Variants in GALNT13 observed in about 807,000 individuals in gnomAD.
The protein encoded by GALNT13 is polypeptide N-acetylgalactosaminyltransferase 13.
Under a neutral mutation model 64.2 loss-of-function variants are expected in GALNT13, and 28 were observed. The observed-to-expected ratio is 0.44, with a 90% CI of 0.32 to 0.60. The LOEUF (loss-of-function observed/expected upper bound fraction) is 0.60. Among genes scored for constraint, GALNT13 ranks in the 20% least tolerant of loss-of-function variants. GALNT13 has a pLI of 0.05. For missense variants in GALNT13, 577 were observed against 669.8 expected (o/e 0.86, Z 1.53); for synonymous variants, 214 against 224.6 (o/e 0.95, Z 0.42).
the GALNT13 span, among the ~76,000 whole-genome samples, chr2:153,535,860 G>T: frequency 1.3e-5 from 2 of 152,164 alleles, no homozygotes; most frequent in African/African-American, 4.8e-5. Flanking sequence ...TTATCAGACT[G>T]TATTGAGGTG....
intron 4 of GALNT13, among the ~76,000 whole-genome samples, chr2:154,198,552 G>T (rs1412960718): frequency 6.6e-6 from 1 of 151,744 alleles, no homozygotes; most frequent in African/African-American, 2.4e-5. Flanking sequence ...AGAAAATTTG[G>T]GTGGACAAGG....
At chr2:154,250,239 T>C (rs1689997824) in intron 7 of GALNT13, among the ~76,000 whole-genome samples, 1 of 152,108 alleles carries the variant, frequency 6.6e-6, no homozygotes, top group Non-Finnish European at 1.5e-5. Flanking sequence ...ATGTGACAAG[T>C]ACCCAAAAGG....
Position 154,140,314 on chromosome 2 carries a change from C to T in GALNT13, c.143-23C>T, listed in dbSNP as rs780212421. On this transcript the variant is annotated intron_variant, in intron 3 of 12. Transcript: ENST00000392825. ...ATTATCTGTGTGTTTGTATGTATGT[C>T]TGTATCTCTGTATGTCTTACAGCTG... 5 of 1,587,236 alleles carry T rather than the reference C, an allele frequency of 3.2e-6. No homozygotes were observed. In the South Asian group the frequency reaches 5.5e-5, roughly 18 times the overall value.
chr2:153,510,137 A>G, the GALNT13 span, among the ~76,000 whole-genome samples: 1 of 152,228 alleles, frequency 6.6e-6, no homozygotes, highest in East Asian at 1.9e-4. Context: ...GACTCAAAGA[A>G]TGCAAATCTC....
the GALNT13 span, among the ~76,000 whole-genome samples, chr2:153,562,854 ATAAT>A: frequency 6.6e-6 from 1 of 152,128 alleles, no homozygotes; most frequent in African/African-American, 2.4e-5. Flanking sequence ...CTAGTGCTAA[ATAAT>A]TCTTTCTTTA....
the GALNT13 span, among the ~76,000 whole-genome samples, chr2:153,721,813 C>G: frequency 6.6e-6 from 1 of 151,610 alleles, no homozygotes; most frequent in Non-Finnish European, 1.5e-5. Flanking sequence ...AAAGCAAGTC[C>G]TGAGTGACCT....
chr2:154,129,928 C>T (rs554950252), intron 3 of GALNT13, among the ~76,000 whole-genome samples: 1 of 152,006 alleles, frequency 6.6e-6, no homozygotes, highest in African/African-American at 2.4e-5. Context: ...TGGTTTAGTT[C>T]AGGTTCCTAC....
intron 3 of GALNT13, among the ~76,000 whole-genome samples, chr2:153,963,923 AT>A (rs555888223): frequency 8.1e-4 from 123 of 152,074 alleles, no homozygotes; most frequent in African/African-American, 2.7e-3. Flanking sequence ...AATCTAACGT[AT>A]TTTTTTATGC....
intron 4 of GALNT13, among the ~76,000 whole-genome samples, chr2:154,156,189 T>C (rs999809035): frequency 6.6e-6 from 1 of 151,952 alleles, no homozygotes; most frequent in Admixed American, 6.6e-5. Context: ...CAAATAGAAA[T>C]GGAAAGATCA....
At chr2:153,238,546 T>A in the GALNT13 span, among the ~76,000 whole-genome samples, 1 of 152,112 alleles carries the variant, frequency 6.6e-6, no homozygotes, top group East Asian at 1.9e-4. Flanking sequence ...TTCTTCCGCA[T>A]GTGGATATCC....
chr2:153,903,240 A>G (rs2105297326), intron 2 of GALNT13, among the ~76,000 whole-genome samples: 1 of 152,164 alleles, frequency 6.6e-6, no homozygotes, highest in Non-Finnish European at 1.5e-5. Flanking sequence ...TGAAACAAGG[A>G]TAGAGTGGTA....
chr2:153,963,731 CTGTGTGTGTGTGTGTGTGTG>C (rs58455059), intron 3 of GALNT13, among the ~76,000 whole-genome samples: 1,118 of 100,856 alleles, frequency 0.011, 19 homozygotes, highest in African/African-American at 0.037. Flanking sequence ...CTCTCTCTCT[CTGTGTGTGTGTGTGTGTGTG>C]TGTGTGTGTG....
At chr2:153,594,574 T>G in the GALNT13 span, among the ~76,000 whole-genome samples, 3 of 152,136 alleles carry the variant, frequency 2.0e-5, no homozygotes, top group Non-Finnish European at 4.4e-5. Flanking sequence ...CTTGCACCTA[T>G]ATGCTGAAAC....
chr2:153,795,298 T>G, the GALNT13 span, among the ~76,000 whole-genome samples: 2 of 152,192 alleles, frequency 1.3e-5, no homozygotes, highest in Non-Finnish European at 2.9e-5. Context: ...TGGAAAATAA[T>G]TGTACCGTAC....
At chr2:153,762,008 C>T in the GALNT13 span, 2 of 163,750 alleles carry the variant, frequency 1.2e-5, no homozygotes, top group South Asian at 3.5e-4. Flanking sequence ...TCTTTGTCAA[C>T]ATGAACTTCT....
intron 3 of GALNT13, among the ~76,000 whole-genome samples, chr2:154,096,876 G>A (rs1364911001): frequency 6.6e-6 from 1 of 151,858 alleles, no homozygotes; most frequent in Admixed American, 6.6e-5. Flanking sequence ...TTATTAAGAG[G>A]GCAAAATTGC....
chr2:154,326,394 A>G (rs1488257513), intron 9 of GALNT13, among the ~76,000 whole-genome samples: 3 of 152,006 alleles, frequency 2.0e-5, no homozygotes, highest in African/African-American at 4.8e-5. Context: ...TTTAATGTAT[A>G]TATGTTTCAT....
At chr2:153,529,520 C>G in the GALNT13 span, among the ~76,000 whole-genome samples, 2 of 151,786 alleles carry the variant, frequency 1.3e-5, no homozygotes, top group African/African-American at 2.4e-5. Context: ...TCAAACTGCT[C>G]CAAAAAATAG....
chr2:154,133,532 TTTTATATATATATATATATATA>T (rs1414264031), intron 3 of GALNT13, among the ~76,000 whole-genome samples: 140 of 103,940 alleles, frequency 1.3e-3, no homozygotes, highest in Middle Eastern at 6.0e-3. Context: ...TAACAGACCA[TTTTATATATATATATATATATA>T]TATATATATA....
Sources: gnomAD v4.1 joint callset for allele counts (sites outside exome capture counted in the v4.1 genomes callset) on GRCh38, gnomAD v4.1.1 for gene constraint, MANE v1.5 for transcripts, NCBI Gene and HGNC (gene_info 2026-07-23, HGNC 2026-07-21) for gene names.